The following MED23 variants were observed in gnomAD, a reference collection of about 807,000 sequenced individuals.
MED23 encodes the protein mediator complex subunit 23, also known as mediator of RNA polymerase II transcription subunit 23.
In MED23, 105 loss-of-function variants were observed where a neutral mutation model predicts 163.9. The observed-to-expected ratio is 0.64, with a 90% CI of 0.55 to 0.75. The LOEUF (loss-of-function observed/expected upper bound fraction) is 0.75, where lower values mean the gene tolerates loss of function less well. MED23 is among the 30% of genes least tolerant of loss of function. MED23 has a pLI of 0.00. For missense variants in MED23, 1,054 were observed against 1,649.0 expected (o/e 0.64, Z 6.25); for synonymous variants, 561 against 565.6 (o/e 0.99, Z 0.12).
rs2114757071 is a variant in MED23 at position 131,620,719 on chromosome 6, T to C, written c.506A>G (p.Tyr169Cys). The change falls in exon 7 of 29, where the codon TAT becomes TGT. Residue 169 changes from tyrosine (Y) to cysteine (C), a missense_variant. Physicochemically the swap from Tyr to Cys is radical, Grantham distance 194 (BLOSUM62 -2). This residue lies in a region of MED23 where 227 missense variants were observed against 235.5 expected (regional missense o/e 0.96). Coordinates refer to ENST00000368068, the MANE Select transcript of MED23 (RefSeq NM_004830.4). ...TAAGCAGGCATTTCTTTCCAAGATA[T>C]ATGCTATAACCTAAGAAAAACAAAA... is the stretch of plus-strand genomic sequence containing the variant. ...QLLAAREVIA[Y>C]ILERNACLLP... 2.5e-6 allele frequency: 4 copies of C among 1,610,182 alleles called. No individual in the cohort carries two copies. Among genetic ancestry groups the C allele is most frequent in the South Asian group, 1.1e-5 (1 of 90,980 alleles).
intron 8 of MED23, among the ~76,000 whole-genome samples, chr6:131,619,344 T>C (rs10499183): frequency 0.35 from 53,097 of 152,116 alleles, 12,600 homozygotes; most frequent in African/African-American, 0.67. Flanking sequence ...AAAGAGGATA[T>C]GTGGGCACTG....
chr6:131,623,095 C>T (rs1309089097), intron 5 of MED23, among the ~76,000 whole-genome samples: 2 of 152,164 alleles, frequency 1.3e-5, no homozygotes, highest in East Asian at 1.9e-4. Context: ...TGAAGGAACA[C>T]GGATTCTGCT....
intron 12 of MED23, among the ~76,000 whole-genome samples, chr6:131,607,510 A>C (rs1775947385): frequency 6.6e-6 from 1 of 152,000 alleles, no homozygotes. Context: ...ACGCCACTGC[A>C]CTCCAGCCTG....
intron 2 of MED23, 54 bp from the exon 3 acceptor site, chr6:131,627,537 C>T: frequency 1.3e-6 from 2 of 1,588,912 alleles, no homozygotes; most frequent in Non-Finnish European, 8.6e-7. Context: ...GGTAATTACA[C>T]ACAATCAGAA....
chr6:131,591,974 A>C, intron 25 of MED23: 1 of 226,054 alleles, frequency 4.4e-6, no homozygotes, highest in South Asian at 7.4e-5. Context: ...GATGGAAAGA[A>C]GAAGCTTCTG....
chr6:131,583,764 A>G (rs781780752), downstream of MED23: 8 of 1,614,004 alleles, frequency 5.0e-6, no homozygotes, highest in Admixed American at 1.3e-4. Context: ...GATTAGATAT[A>G]ATGGAAGTGA....
At chr6:131,600,243 T>C (rs1775366537) in intron 17 of MED23, 81 bp from the exon 18 acceptor site, 1 of 1,346,522 alleles carries the variant, frequency 7.4e-7, no homozygotes, top group Non-Finnish European at 1.0e-6. Flanking sequence ...AAAATAATAA[T>C]TATGTACACT....
chr6:131,586,467 G>C (rs914186599), downstream of MED23, among the ~76,000 whole-genome samples: 5 of 152,016 alleles, frequency 3.3e-5, no homozygotes, highest in Non-Finnish European at 7.4e-5. Flanking sequence ...ATTTTTAGCT[G>C]GACTTGCATG....
chr6:131,577,890 C>A (rs1308333208), intron 30 of MED23, among the ~76,000 whole-genome samples: 2 of 143,080 alleles, frequency 1.4e-5, no homozygotes, highest in African/African-American at 2.6e-5. Flanking sequence ...GGCGACAGAG[C>A]GAGACTCCAT....
chr6:131,599,463 G>C (rs114915884), intron 18 of MED23, among the ~76,000 whole-genome samples: 7 of 152,034 alleles, frequency 4.6e-5, no homozygotes, highest in African/African-American at 1.7e-4. Flanking sequence ...GTCATATTAC[G>C]CACACTCTGT....
downstream of MED23, chr6:131,583,758 A>T: frequency 6.2e-7 from 1 of 1,613,990 alleles, no homozygotes; most frequent in East Asian, 2.2e-5. Flanking sequence ...TCTCAGGATT[A>T]GATATAATGG....
intron 30 of MED23, among the ~76,000 whole-genome samples, chr6:131,580,921 C>G (rs1773886611): frequency 6.6e-6 from 1 of 152,082 alleles, no homozygotes; most frequent in South Asian, 2.1e-4. Flanking sequence ...TATTTTTATA[C>G]TCATTTATTT....
chr6:131,583,073 A>ACT (rs766868484), downstream of MED23: 2 of 1,612,776 alleles, frequency 1.2e-6, no homozygotes. Flanking sequence ...CATTTTGAAA[A>ACT]CTCTAGGCAT....
chr6:131,616,248 A>G (rs1028048895), intron 9 of MED23, among the ~76,000 whole-genome samples: 1 of 152,134 alleles, frequency 6.6e-6, no homozygotes, highest in Non-Finnish European at 1.5e-5. Context: ...AACAATAAAG[A>G]TAACACTAGC....
intron 20 of MED23, 99 bp from the exon 21 acceptor site, chr6:131,596,787 T>G (rs1281630213): frequency 1.8e-5 from 21 of 1,155,160 alleles, no homozygotes; most frequent in Non-Finnish European, 2.3e-5. Flanking sequence ...AAAATCTCAC[T>G]ATTATAATTT....
In MED23 at chr6:131,619,920, A is replaced by G. The variant is rs115814997; in HGVS notation, c.598-24T>C. ...AACTAAAGAGAGAAAGAAAGAGGGA[A>G]GTCAAATAAATACGTACAAAAGGAA... On this transcript the variant is annotated intron_variant, in intron 7 of 28. Transcript: ENST00000368068. 2.2e-4 allele frequency: 329 copies of G among 1,526,660 alleles called. No homozygotes were observed. The African/African-American group carries it at 4.2e-3, about 20-fold the overall frequency. 94.6% of individuals were successfully genotyped at this position (1,526,660 alleles called of 1,614,324 possible).
intron 14 of MED23, 121 bp downstream of exon 14, chr6:131,605,119 C>CT (rs59558743): frequency 2.1e-5 from 22 of 1,057,800 alleles, no homozygotes; most frequent in Non-Finnish European, 2.7e-5. Flanking sequence ...ATAAAGCTAA[C>CT]TTTTTTTTCT....
Position 131,596,517 on chromosome 6 carries a change from C to G in MED23, c.2778+1G>C. ...TTTGAAATACCAATTAGGACTAGTACCTTGTGATAATTCATGTGCTTGGTG... is the reference window on the plus strand; with the variant it reads ...TTTGAAATACCAATTAGGACTAGTAGCTTGTGATAATTCATGTGCTTGGTG... On this transcript the variant is annotated splice_donor_variant, in intron 21 of 28. Coordinates refer to ENST00000368068, the MANE Select transcript of MED23 (RefSeq NM_004830.4). LOFTEE classifies it high-confidence loss of function. The G allele has an allele frequency of 6.2e-7, 1 of 1,614,090 alleles. No homozygotes were observed. Among genetic ancestry groups the G allele is most frequent in the East Asian group, 2.2e-5 (1 of 44,866 alleles).
chr6:131,593,369 T>A (rs1050929195), intron 23 of MED23, among the ~76,000 whole-genome samples, 198 bp from the exon 24 acceptor site: 1 of 152,204 alleles, frequency 6.6e-6, no homozygotes, highest in African/African-American at 2.4e-5. Context: ...ATGGTTGGTC[T>A]TTCAGGTGGG....
Sources: allele counts gnomAD v4.1 joint callset (sites outside exome capture counted in the v4.1 genomes callset), GRCh38; gene constraint gnomAD v4.1.1; regional missense constraint gnomAD v4.1.1; transcripts MANE v1.5; gene names NCBI Gene and HGNC (gene_info 2026-07-23, HGNC 2026-07-21).